Variants in RNF115 observed in about 807,000 individuals in gnomAD.
RNF115 encodes the protein ring finger protein 115.
RNF115 carries 31 observed loss-of-function variants against 39.2 expected under a neutral mutation model. The ratio of observed to expected loss-of-function variants is 0.79; its 90% CI spans 0.59 to 1.07. The LOEUF (loss-of-function observed/expected upper bound fraction) is 1.07, where lower values mean the gene tolerates loss of function less well. Ranked by LOEUF, RNF115 falls within the 50% of genes least tolerant of loss-of-function variation. The pLI is 0.00. For missense variants in RNF115, 384 were observed against 381.7 expected, an observed-to-expected ratio of 1.01 and a Z score of -0.05; for synonymous variants, 124 against 131.0, an observed-to-expected ratio of 0.95 and a Z score of 0.37.
chr1:145,774,670 A>T (rs1647797864), intron 3 of RNF115, among the ~76,000 whole-genome samples: 1 of 152,174 alleles, frequency 6.6e-6, no homozygotes, highest in Non-Finnish European at 1.5e-5. Context: ...TCTTAAATTT[A>T]AACTCAGTGT....
intron 1 of RNF115, among the ~76,000 whole-genome samples, chr1:145,804,075 G>A (rs1462961133): frequency 1.3e-5 from 2 of 152,210 alleles, no homozygotes; most frequent in African/African-American, 2.4e-5. Context: ...TACCACAATA[G>A]TTTAGAAGTA....
chr1:145,756,868 T>TCACTC (rs1553713247), intron 4 of RNF115, among the ~76,000 whole-genome samples: 1 of 134,312 alleles, frequency 7.4e-6, no homozygotes, highest in Non-Finnish European at 1.6e-5. Context: ...AGGCAGAGTC[T>TCACTC]CACTCTCGCC....
intron 3 of RNF115, among the ~76,000 whole-genome samples, chr1:145,783,997 A>T (rs782766661): frequency 7.9e-5 from 12 of 152,328 alleles, no homozygotes; most frequent in Middle Eastern, 3.4e-3. Context: ...ACGCCACATT[A>T]TAAGAAGATA....
In RNF115 at chr1:145,743,795, T is replaced by C. The variant is rs782436756; in HGVS notation, c.*3071A>G. 1.1e-4 allele frequency: 6 copies of C among 54,236 alleles called. No homozygotes were observed. Among genetic ancestry groups the C allele is most frequent in the African/African-American group, 4.4e-4 (6 of 13,774 alleles). The allele number at this position is 54,236 out of a possible 1,614,324, so 3.4% of individuals were successfully genotyped here. A position where few individuals can be genotyped will look rare whatever the true frequency, so the allele number is the denominator to read the frequency against. ...GCCTCCATCTCAAAAAATAAATAAA[T>C]AAATAAATAAATAAATAAATAATAA... On this transcript the variant is annotated 3_prime_UTR_variant, in exon 9 of 9. Coordinates refer to ENST00000582693, the MANE Select transcript of RNF115 (RefSeq NM_014455.4).
chr1:145,793,516 A>C (rs930576987), intron 1 of RNF115, among the ~76,000 whole-genome samples: 5 of 151,916 alleles, frequency 3.3e-5, no homozygotes, highest in African/African-American at 1.2e-4. Context: ...CTATTGCTTT[A>C]AATCTCTCTA....
chr1:145,780,043 C>T (rs587704064), intron 3 of RNF115, among the ~76,000 whole-genome samples: 289 of 152,036 alleles, frequency 1.9e-3, no homozygotes, highest in African/African-American at 6.7e-3. Flanking sequence ...GCCTGGCCAA[C>T]GTGGTAAAAC....
chr1:145,792,065 C>T (rs1648700558), intron 1 of RNF115, among the ~76,000 whole-genome samples: 1 of 151,988 alleles, frequency 6.6e-6, no homozygotes, highest in Non-Finnish European at 1.5e-5. Flanking sequence ...GGACCACAGG[C>T]ACATACCATG....
At chr1:145,768,922 A>C (rs1159685488) in intron 4 of RNF115, among the ~76,000 whole-genome samples, 1 of 152,200 alleles carries the variant, frequency 6.6e-6, no homozygotes, top group Non-Finnish European at 1.5e-5. Context: ...TACTGTGTTT[A>C]TTTATACTTC....
chr1:145,763,472 C>G (rs1347453280), intron 4 of RNF115, among the ~76,000 whole-genome samples: 1 of 152,178 alleles, frequency 6.6e-6, no homozygotes, highest in Non-Finnish European at 1.5e-5. Flanking sequence ...CCAAAGCAGG[C>G]AGATCACTTG....
At position 145,753,072 on chromosome 1, in the gene RNF115, A is replaced by G. The variant is rs781931276; in HGVS notation, c.429-23T>C. 59 of 1,499,472 alleles carry G rather than the reference A, an allele frequency of 3.9e-5. No homozygotes were observed. In the Admixed American group the frequency reaches 6.9e-4, roughly 18 times the overall value. 92.9% of individuals were successfully genotyped at this position (1,499,472 alleles called of 1,614,324 possible). A position where few individuals can be genotyped will look rare whatever the true frequency, so the allele number is the denominator to read the frequency against. ...ATTCTGTTACAGAAGAAAAAATTAG[A>G]TAAGACAACAGACTAATGAAAAGTA... is the stretch of plus-strand genomic sequence containing the variant. On this transcript the variant is annotated intron_variant, in intron 4 of 8. Coordinates refer to ENST00000582693, the MANE Select transcript of RNF115 (RefSeq NM_014455.4).
intron 1 of RNF115, among the ~76,000 whole-genome samples, chr1:145,805,840 G>T (rs587652352): frequency 6.6e-6 from 1 of 151,886 alleles, no homozygotes; most frequent in Non-Finnish European, 1.5e-5. Flanking sequence ...TAATTTAACA[G>T]CTAAAATAAA....
In RNF115 at chr1:145,764,150, G is replaced by A. The variant is rs587767577; in HGVS notation, c.428+7561C>T. 2.6e-3 allele frequency among the ~76,000 whole-genome samples: 390 copies of A among 152,312 alleles called. 4 individuals carry two copies. Among genetic ancestry groups the A allele is most frequent in the Admixed American group, 0.025 (377 of 15,306 alleles). Reference sequence around the variant, plus strand: ...GGGCTGGTCTCCAGCTCCTAACCGCGAGTGATCCGCCAGCCTCGGCCTCCC... The same window carrying A: ...GGGCTGGTCTCCAGCTCCTAACCGCAAGTGATCCGCCAGCCTCGGCCTCCC... On this transcript the variant is annotated intron_variant, in intron 4 of 8. Coordinates refer to ENST00000582693, the MANE Select transcript of RNF115 (RefSeq NM_014455.4).
intron 4 of RNF115, among the ~76,000 whole-genome samples, chr1:145,761,628 C>T (rs1571718606): frequency 6.6e-6 from 1 of 152,344 alleles, no homozygotes; most frequent in East Asian, 1.9e-4. Context: ...ACCCGGATGC[C>T]CAGGCAAAAG....
chr1:145,763,550 T>C (rs28522555), intron 4 of RNF115, among the ~76,000 whole-genome samples: 1 of 151,902 alleles, frequency 6.6e-6, no homozygotes. Flanking sequence ...ATACAAAAAA[T>C]TTTCCAGGCA....
In RNF115 at chr1:145,740,624, G is replaced by A. The variant is rs1356991307; in HGVS notation, c.*6242C>T. The A allele has an allele frequency of 1.3e-5, 2 of 152,156 alleles. No individual in the cohort carries two copies. The highest frequency in any genetic ancestry group is 4.8e-5 in the African/African-American group (2 of 41,414). The allele number at this position is 152,156 out of a possible 1,614,324, so 9.4% of individuals were successfully genotyped here. On this transcript the variant is annotated 3_prime_UTR_variant, in exon 9 of 9. Transcript: ENST00000582693. ...ACAAACACGGGTTTTGAACCTGTGA[G>A]GCCATGAGGTTATCAGAAGGAATCT...
chr1:145,805,140 T>C (rs587670509), intron 1 of RNF115, among the ~76,000 whole-genome samples: 68 of 152,324 alleles, frequency 4.5e-4, no homozygotes, highest in South Asian at 1.7e-3. Flanking sequence ...CTGAGAACTC[T>C]TCATCGAAAT....
At chr1:145,776,183 G>A (rs1339303068) in intron 3 of RNF115, among the ~76,000 whole-genome samples, 1 of 34,008 alleles carries the variant, frequency 2.9e-5, no homozygotes, top group African/African-American at 1.5e-4. Flanking sequence ...TTTTTTTTTT[G>A]AGAAGGAGTC....
At chr1:145,754,526 G>A (rs1182146617) in intron 4 of RNF115, among the ~76,000 whole-genome samples, 2 of 152,048 alleles carry the variant, frequency 1.3e-5, no homozygotes, top group African/African-American at 4.8e-5. Context: ...GCTAATTTTT[G>A]TATTTTTAGT....
chr1:145,801,185 A>C (rs587730593), intron 1 of RNF115, among the ~76,000 whole-genome samples: 2 of 152,286 alleles, frequency 1.3e-5, no homozygotes, highest in African/African-American at 4.8e-5. Context: ...CCGTCTCAAA[A>C]AAAAAGAAAA....
Sources: allele counts gnomAD v4.1 joint callset (sites outside exome capture counted in the v4.1 genomes callset), GRCh38; gene constraint gnomAD v4.1.1; transcripts MANE v1.5; gene names NCBI Gene and HGNC (gene_info 2026-07-23, HGNC 2026-07-21).